ADAMTS18: variants seen among roughly 807,000 people sequenced by gnomAD.
The protein encoded by ADAMTS18 is A disintegrin and metalloproteinase with thrombospondin motifs 18.
ADAMTS18 carries 157 observed loss-of-function variants against 165.9 expected under a neutral mutation model. The observed-to-expected ratio is 0.95, with a 90% CI of 0.83 to 1.08. The LOEUF (loss-of-function observed/expected upper bound fraction) is 1.08. ADAMTS18 is among the 50% of genes least tolerant of loss of function. The pLI is 0.00. For synonymous variants in ADAMTS18, 782 were observed against 578.2 expected, an observed-to-expected ratio of 1.35 and a Z score of -5.06; for missense variants, 2,040 against 1,534.0, an observed-to-expected ratio of 1.33 and a Z score of -5.51.
chr16:77,313,146 A>G (rs111763680), intron 16 of ADAMTS18, among the ~76,000 whole-genome samples: 15,058 of 152,164 alleles, frequency 0.099, 1,008 homozygotes, highest in East Asian at 0.27. Flanking sequence ...CCTTTGCAGG[A>G]ACATGGATGG....
intron 3 of ADAMTS18, among the ~76,000 whole-genome samples, chr16:77,379,910 T>A (rs78484036): frequency 0.033 from 5,085 of 152,278 alleles, 99 homozygotes; most frequent in South Asian, 0.057. Context: ...CGCAGCTGCA[T>A]CACTGGGCAA....
chr16:77,330,634 C>T (rs1439269920), intron 12 of ADAMTS18, among the ~76,000 whole-genome samples: 1 of 152,172 alleles, frequency 6.6e-6, no homozygotes, highest in Non-Finnish European at 1.5e-5. Flanking sequence ...AACAGGGCTT[C>T]CGTCAGTTAA....
chr16:77,405,817 T>C (rs971540982), intron 3 of ADAMTS18, among the ~76,000 whole-genome samples: 1 of 152,162 alleles, frequency 6.6e-6, no homozygotes, highest in African/African-American at 2.4e-5. Flanking sequence ...TCCCTCTTCT[T>C]ATAAAGACAC....
At chr16:77,400,464 G>GTA (rs1345812458) in intron 3 of ADAMTS18, among the ~76,000 whole-genome samples, 5 of 130,502 alleles carry the variant, frequency 3.8e-5, no homozygotes, top group Non-Finnish European at 5.2e-5. Flanking sequence ...GTCTGTGTGT[G>GTA]TGTGTGTGTG....
chr16:77,361,984 C>A (rs1353354938), intron 7 of ADAMTS18, 121 bp downstream of exon 7: 9 of 1,153,082 alleles, frequency 7.8e-6, no homozygotes, highest in Non-Finnish European at 1.1e-5. Context: ...TTAGGTTACT[C>A]CATAATTTAA....
At chr16:77,315,570 A>G (rs562844409) in intron 16 of ADAMTS18, among the ~76,000 whole-genome samples, 2 of 152,154 alleles carry the variant, frequency 1.3e-5, no homozygotes, top group Non-Finnish European at 2.9e-5. Flanking sequence ...CTATATACAA[A>G]TTCCATGATA....
At chr16:77,394,218 G>C (rs1021720957) in intron 3 of ADAMTS18, among the ~76,000 whole-genome samples, 2 of 152,226 alleles carry the variant, frequency 1.3e-5, no homozygotes, top group Non-Finnish European at 2.9e-5. Context: ...ATGCAGTCTA[G>C]TCCATTTAAG....
intron 3 of ADAMTS18, among the ~76,000 whole-genome samples, chr16:77,407,770 C>G (rs895900348): frequency 6.6e-6 from 1 of 151,918 alleles, no homozygotes; most frequent in Non-Finnish European, 1.5e-5. Context: ...CATTTCCTAT[C>G]ATCCAAAAAC....
At chr16:77,380,147 A>T (rs1405999756) in intron 3 of ADAMTS18, among the ~76,000 whole-genome samples, 1 of 152,188 alleles carries the variant, frequency 6.6e-6, no homozygotes, top group Non-Finnish European at 1.5e-5. Context: ...TTATCCTTTC[A>T]CTTTACTCAC....
intron 16 of ADAMTS18, among the ~76,000 whole-genome samples, chr16:77,309,098 A>G (rs1464968853): frequency 3.3e-5 from 5 of 152,198 alleles, no homozygotes; most frequent in African/African-American, 1.2e-4. Flanking sequence ...GTAGAAAATA[A>G]GTTGAAATAC....
intron 22 of ADAMTS18, among the ~76,000 whole-genome samples, chr16:77,285,302 AGCTGGGAT>A (rs1385510560): frequency 6.6e-6 from 1 of 152,104 alleles, no homozygotes; most frequent in African/African-American, 2.4e-5. Flanking sequence ...CCTCCTGGGT[AGCTGGGAT>A]TACAGGCACC....
chr16:77,367,775 C>T, intron 3 of ADAMTS18, 52 bp from the exon 4 acceptor site: 1 of 1,612,318 alleles, frequency 6.2e-7, no homozygotes, highest in East Asian at 2.2e-5. Flanking sequence ...ATCCCTGTGC[C>T]AAGGGTTGGT....
intron 3 of ADAMTS18, among the ~76,000 whole-genome samples, chr16:77,393,971 A>C (rs966169101): frequency 6.6e-6 from 1 of 152,250 alleles, no homozygotes; most frequent in Non-Finnish European, 1.5e-5. Flanking sequence ...CTGGCTATGA[A>C]CCATACATGT....
chr16:77,336,026 T>C (rs971672837), intron 11 of ADAMTS18, 122 bp from the exon 12 acceptor site: 12 of 1,174,076 alleles, frequency 1.0e-5, no homozygotes, highest in Non-Finnish European at 1.3e-5. Context: ...AAATGCCTGA[T>C]ACCTTGATAA....
intron 3 of ADAMTS18, among the ~76,000 whole-genome samples, chr16:77,389,455 T>C (rs567573830): frequency 2.0e-5 from 3 of 152,208 alleles, no homozygotes; most frequent in African/African-American, 4.8e-5. Context: ...CATGACAGTG[T>C]GTGTCTGTCA....
Position 77,342,581 on chromosome 16 carries a change from AGGCCTGGCCACCTTCT to A in ADAMTS18, c.1615-798_1615-783del, listed in dbSNP as rs1194246918. On this transcript the variant is annotated intron_variant, in intron 10 of 22. Coordinates refer to ENST00000282849, the MANE Select transcript of ADAMTS18 (RefSeq NM_199355.4). ...GTTGGGATTACAAGCATGAGCCACCAGGCCTGGCCACCTTCTTCGTCTCTATTGCAGTTTTCAAATA... is the reference window on the plus strand; with the variant it reads ...GTTGGGATTACAAGCATGAGCCACCATCGTCTCTATTGCAGTTTTCAAATA... Among the ~76,000 whole-genome samples, 5 of 152,298 alleles carry A rather than the reference AGGCCTGGCCACCTTCT, an allele frequency of 3.3e-5. No homozygotes were observed. The East Asian group carries it at 7.7e-4, about 24-fold the overall frequency.
intron 9 of ADAMTS18, 149 bp downstream of exon 9, chr16:77,355,791 A>G: frequency 9.2e-6 from 9 of 981,938 alleles, no homozygotes; most frequent in Non-Finnish European, 1.1e-5. Flanking sequence ...CAATGTCATC[A>G]TCACCATCAT....
intron 12 of ADAMTS18, among the ~76,000 whole-genome samples, chr16:77,330,169 T>C (rs2056164804): frequency 6.6e-6 from 1 of 152,194 alleles, no homozygotes; most frequent in Admixed American, 6.5e-5. Flanking sequence ...CCAATTAGAT[T>C]CAATTATTCT....
intron 3 of ADAMTS18, among the ~76,000 whole-genome samples, chr16:77,375,624 G>A (rs1391818084): frequency 6.6e-6 from 1 of 152,194 alleles, no homozygotes; most frequent in African/African-American, 2.4e-5. Flanking sequence ...GAAGAAAGCA[G>A]AGACCAAGTG....
Sources: allele counts gnomAD v4.1 joint callset (sites outside exome capture counted in the v4.1 genomes callset), GRCh38; gene constraint gnomAD v4.1.1; transcripts MANE v1.5; gene names NCBI Gene and HGNC (gene_info 2026-07-23, HGNC 2026-07-21).